HS6ST3: variants seen among roughly 807,000 people sequenced by gnomAD.
The protein encoded by HS6ST3 is heparan-sulfate 6-O-sulfotransferase 3.
In HS6ST3, 12 loss-of-function variants were observed where a neutral mutation model predicts 36.7. The observed-to-expected ratio is 0.33, with a 90% confidence interval of 0.21 to 0.53. HS6ST3 has a LOEUF of 0.53. Ranked by LOEUF, HS6ST3 falls within the 20% of genes least tolerant of loss-of-function variation. The pLI is 0.95. For missense variants in HS6ST3, 584 were observed against 640.9 expected, an observed-to-expected ratio of 0.91 and a Z score of 0.96; for synonymous variants, 240 against 257.5, an observed-to-expected ratio of 0.93 and a Z score of 0.65.
chr13:96,105,906 A>G (rs1472219677), intron 1 of HS6ST3, among the ~76,000 whole-genome samples: 2 of 152,188 alleles, frequency 1.3e-5, no homozygotes. Context: ...TATTTACATC[A>G]CAACATTTTA....
At chr13:96,402,349 T>C (rs2055456173) in intron 1 of HS6ST3, among the ~76,000 whole-genome samples, 1 of 152,214 alleles carries the variant, frequency 6.6e-6, no homozygotes, top group Non-Finnish European at 1.5e-5. Context: ...GAACAGTCAT[T>C]TATATAATGA....
intron 1 of HS6ST3, among the ~76,000 whole-genome samples, chr13:96,258,163 G>T (rs1489583861): frequency 6.6e-6 from 1 of 152,156 alleles, no homozygotes; most frequent in Non-Finnish European, 1.5e-5. Flanking sequence ...TGAGACCGAA[G>T]TGGATTTAGT....
rs1878887956 is a variant in HS6ST3 at position 96,834,873 on chromosome 13, A to G, written c.*1675A>G. On this transcript the variant is annotated 3_prime_UTR_variant, in exon 2 of 2. Coordinates refer to ENST00000376705, the MANE Select transcript of HS6ST3 (RefSeq NM_153456.4). ...AGCTCCACCAGATAGAGATCTGGAGATGCTTCTCTCACTGTGCTTGGCTTC... is the reference window on the plus strand; with the variant it reads ...AGCTCCACCAGATAGAGATCTGGAGGTGCTTCTCTCACTGTGCTTGGCTTC... The G allele has an allele frequency of 6.6e-6, 1 of 152,584 alleles. No individual in the cohort carries two copies. Among genetic ancestry groups the G allele is most frequent in the Non-Finnish European group, 1.5e-5 (1 of 68,050 alleles). 9.5% of individuals were successfully genotyped at this position (152,584 alleles called of 1,614,324 possible).
At chr13:96,694,289 T>C (rs1470698904) in intron 1 of HS6ST3, among the ~76,000 whole-genome samples, 1 of 152,184 alleles carries the variant, frequency 6.6e-6, no homozygotes, top group African/African-American at 2.4e-5. Flanking sequence ...CCTGCATTAG[T>C]TTGCTAAGGG....
chr13:96,462,494 A>G (rs1281121331), intron 1 of HS6ST3, among the ~76,000 whole-genome samples: 3 of 152,346 alleles, frequency 2.0e-5, no homozygotes, highest in South Asian at 4.1e-4. Context: ...AAAGGGATCT[A>G]TACAAAACCT....
chr13:96,478,544 T>C (rs924231258), intron 1 of HS6ST3, among the ~76,000 whole-genome samples: 4 of 152,156 alleles, frequency 2.6e-5, no homozygotes, highest in African/African-American at 9.7e-5. Flanking sequence ...ACTCTCTTCC[T>C]GCTTGAAATG....
At chr13:96,410,151 T>G (rs2055500076) in intron 1 of HS6ST3, among the ~76,000 whole-genome samples, 1 of 152,108 alleles carries the variant, frequency 6.6e-6, no homozygotes, top group Non-Finnish European at 1.5e-5. Context: ...ACAGCTTCCA[T>G]AAAGCAAAAG....
At chr13:96,625,029 T>C (rs1054073041) in intron 1 of HS6ST3, among the ~76,000 whole-genome samples, 1 of 152,182 alleles carries the variant, frequency 6.6e-6, no homozygotes, top group South Asian at 2.1e-4. Flanking sequence ...CTGCCACAGC[T>C]GAGGGACTGC....
At chr13:96,723,232 A>T (rs1465521590) in intron 1 of HS6ST3, among the ~76,000 whole-genome samples, 1 of 152,090 alleles carries the variant, frequency 6.6e-6, no homozygotes, top group Non-Finnish European at 1.5e-5. Flanking sequence ...TCTGGGTGAC[A>T]CCATCCAGGA....
intron 1 of HS6ST3, among the ~76,000 whole-genome samples, chr13:96,204,943 C>G (rs1049537276): frequency 3.3e-5 from 5 of 151,974 alleles, no homozygotes; most frequent in Non-Finnish European, 5.9e-5. Flanking sequence ...GAACCAAGAA[C>G]AAACAAACTC....
intron 1 of HS6ST3, among the ~76,000 whole-genome samples, chr13:96,360,061 G>A (rs2139435389): frequency 6.6e-6 from 1 of 152,244 alleles, no homozygotes. Context: ...TGGAGGACAG[G>A]GCAGAGATGA....
chr13:96,304,820 C>G (rs1408855663), intron 1 of HS6ST3, among the ~76,000 whole-genome samples: 3 of 150,780 alleles, frequency 2.0e-5, no homozygotes, highest in Non-Finnish European at 4.4e-5. Flanking sequence ...AAGCAATTCT[C>G]CTGCCTCAGC....
At chr13:96,615,006 T>G (rs1042777229) in intron 1 of HS6ST3, among the ~76,000 whole-genome samples, 1 of 152,162 alleles carries the variant, frequency 6.6e-6, no homozygotes, top group African/African-American at 2.4e-5. Context: ...TTTTGTGGGA[T>G]TCCATACATT....
intron 1 of HS6ST3, among the ~76,000 whole-genome samples, chr13:96,702,086 G>T (rs1875303179): frequency 1.3e-5 from 2 of 152,216 alleles, no homozygotes; most frequent in African/African-American, 2.4e-5. Context: ...GCTGAGAGAT[G>T]ATGTGAAAAG....
chr13:96,630,213 G>A (rs1419053809), intron 1 of HS6ST3, among the ~76,000 whole-genome samples: 1 of 151,874 alleles, frequency 6.6e-6, no homozygotes, highest in African/African-American at 2.4e-5. Context: ...AGGCCATTCT[G>A]CCTGTCTCTC....
At chr13:96,163,477 C>T (rs539252728) in intron 1 of HS6ST3, among the ~76,000 whole-genome samples, 9 of 152,118 alleles carry the variant, frequency 5.9e-5, no homozygotes, top group Non-Finnish European at 1.0e-4. Context: ...GATCCGCCCG[C>T]CTTGACCTCC....
At chr13:96,235,726 G>A (rs1409069536) in intron 1 of HS6ST3, among the ~76,000 whole-genome samples, 1 of 151,928 alleles carries the variant, frequency 6.6e-6, no homozygotes, top group East Asian at 1.9e-4. Context: ...TGATCTCCTG[G>A]TCATCCCTCT....
intron 1 of HS6ST3, among the ~76,000 whole-genome samples, chr13:96,746,577 A>G (rs1399266516): frequency 6.6e-6 from 1 of 152,102 alleles, no homozygotes; most frequent in East Asian, 1.9e-4. Flanking sequence ...GCATTTTAAG[A>G]ATAACATGAT....
chr13:96,670,420 G>T (rs1317734935), intron 1 of HS6ST3, among the ~76,000 whole-genome samples: 2 of 152,220 alleles, frequency 1.3e-5, no homozygotes, highest in African/African-American at 4.8e-5. Flanking sequence ...AACAGGGTGA[G>T]AGCAGAGGGG....
Sources: gnomAD v4.1 joint callset for allele counts (sites outside exome capture counted in the v4.1 genomes callset) on GRCh38, gnomAD v4.1.1 for gene constraint, MANE v1.5 for transcripts, NCBI Gene and HGNC (gene_info 2026-07-23, HGNC 2026-07-21) for gene names.